The following DNAH2 variants were observed in gnomAD, a reference collection of about 807,000 sequenced individuals.
DNAH2 encodes dynein axonemal heavy chain 2.
A neutral mutation model predicts 523.5 loss-of-function variants in DNAH2; 323 were observed. The ratio of observed to expected loss-of-function variants is 0.62; its 90% CI spans 0.56 to 0.68. The LOEUF (loss-of-function observed/expected upper bound fraction) is 0.68. DNAH2 is among the 30% of genes least tolerant of loss of function. DNAH2 has a pLI of 0.00. For synonymous variants in DNAH2, 2,093 were observed against 2,177.4 expected (o/e 0.96, Z 1.08); for missense variants, 4,907 against 5,701.5 (o/e 0.86, Z 4.49).
At position 7,788,293 on chromosome 17, in the gene DNAH2, C is replaced by T. The variant is rs753738382; in HGVS notation, c.6900+49C>T. 3 of 1,503,584 alleles carry T rather than the reference C, an allele frequency of 2.0e-6. No homozygotes were observed. In the African/African-American group the frequency reaches 4.2e-5, roughly 21 times the overall value. The allele number at this position is 1,503,584 out of a possible 1,614,324, so 93.1% of individuals were successfully genotyped here. A position where few individuals can be genotyped will look rare whatever the true frequency, so the allele number is the denominator to read the frequency against. ...GGCAGGGGCAGGGGGTGCTCACAGC[C>T]TCACCAGAACAACTTCTGGGAAACG... is the stretch of plus-strand genomic sequence containing the variant. On this transcript the variant is annotated intron_variant, in intron 44 of 85. Transcript: ENST00000572933.
intron 63 of DNAH2, among the ~76,000 whole-genome samples, chr17:7,815,701 CAT>C (rs1485583594): frequency 1.3e-5 from 2 of 151,572 alleles, no homozygotes; most frequent in South Asian, 2.1e-4. Context: ...GGATCACACA[CAT>C]GTATACGGGA....
At chr17:7,788,266 C>G (rs368106836) in intron 44 of DNAH2, 22 bp downstream of exon 44, 1 of 1,546,560 alleles carries the variant, frequency 6.5e-7, no homozygotes, top group South Asian at 1.2e-5. Flanking sequence ...ACACAGACCA[C>G]GGGCAGGGGC....
chr17:7,760,994 C>G lies in DNAH2; in HGVS notation c.2978+62C>G. ...GAGGCACAGCACTGCAGGAGGAGCCCAGGCCTAGAGTCTTGGGAAGTGGGT... is the reference window on the plus strand; with the variant it reads ...GAGGCACAGCACTGCAGGAGGAGCCGAGGCCTAGAGTCTTGGGAAGTGGGT... On this transcript the variant is annotated intron_variant, in intron 18 of 85. Transcript: ENST00000572933. This position sits in a 1 kb window ranked among gnomAD's most constrained non-coding sequence, Gnocchi z 4.0. 1 of 1,588,600 alleles carries G rather than the reference C, an allele frequency of 6.3e-7. No individual in the cohort carries two copies. The highest frequency in any genetic ancestry group is 8.6e-7 in the Non-Finnish European group (1 of 1,165,944).
At position 7,768,145 on chromosome 17, in the gene DNAH2, G is replaced by A. The variant is rs371584743; in HGVS notation, c.3838-19G>A. 200 of 1,614,040 alleles carry A rather than the reference G, an allele frequency of 1.2e-4. No homozygotes were observed. Among genetic ancestry groups the A allele is most frequent in the Non-Finnish European group, 1.6e-4 (194 of 1,180,026 alleles). ...CAGGGAGGTCGTCGGGTCTTCTCAT[G>A]CCCCCAACTTTTGCTCAGGACCGAA... On this transcript the variant is annotated intron_variant, in intron 23 of 85. Transcript: ENST00000572933.
chr17:7,749,509 T>A (rs2075626427), intron 12 of DNAH2, among the ~76,000 whole-genome samples: 1 of 151,962 alleles, frequency 6.6e-6, no homozygotes, highest in African/African-American at 2.4e-5. Flanking sequence ...TTTATGCTAC[T>A]AGAAATGTTT....
At chr17:7,787,630 G>A in intron 42 of DNAH2, 1 of 470,492 alleles carries the variant, frequency 2.1e-6, no homozygotes, top group Non-Finnish European at 3.8e-6. Context: ...CAGGTACTCT[G>A]GAGGCTGAGG....
intron 15 of DNAH2, 145 bp from the exon 16 acceptor site, chr17:7,759,277 G>C: frequency 7.0e-7 from 1 of 1,427,378 alleles, no homozygotes; most frequent in Non-Finnish European, 9.4e-7. Flanking sequence ...CCAACCTTCA[G>C]TCCTCACACC....
chr17:7,750,379 A>C (rs1282179124), intron 12 of DNAH2, among the ~76,000 whole-genome samples: 1 of 152,218 alleles, frequency 6.6e-6, no homozygotes, highest in Non-Finnish European at 1.5e-5. Context: ...GTTACAAAGC[A>C]GTTACCCCGG....
At chr17:7,793,946 A>G (rs2076992666) in intron 48 of DNAH2, among the ~76,000 whole-genome samples, 1 of 152,146 alleles carries the variant, frequency 6.6e-6, no homozygotes, top group African/African-American at 2.4e-5. Context: ...GAAGAAAGAG[A>G]AAGTCTAGAA....
chr17:7,789,094 G>A (rs1243476685), intron 44 of DNAH2, among the ~76,000 whole-genome samples: 1 of 152,204 alleles, frequency 6.6e-6, no homozygotes, highest in African/African-American at 2.4e-5. Flanking sequence ...AACCCAGGAG[G>A]CAGAGGCTGC....
Position 7,821,189 on chromosome 17 carries a change from G to A in DNAH2, c.11016-54G>A, listed in dbSNP as rs569644461. ...AGTAGCATCATAGCATTCGCATGGA[G>A]CATCAGCCCCCATTCCATGCTGCCC... On this transcript the variant is annotated intron_variant, in intron 72 of 85. Coordinates refer to ENST00000572933, the MANE Select transcript of DNAH2 (RefSeq NM_020877.5). This position sits in a 1 kb window ranked among gnomAD's most constrained non-coding sequence, Gnocchi z 5.0. The A allele has an allele frequency of 5.7e-6, 9 of 1,586,988 alleles. No homozygotes were observed. The highest frequency in any genetic ancestry group is 4.0e-5 in the African/African-American group (3 of 74,586).
At chr17:7,809,620 G>A (rs2077456550) in intron 63 of DNAH2, among the ~76,000 whole-genome samples, 1 of 152,166 alleles carries the variant, frequency 6.6e-6, no homozygotes, top group Admixed American at 6.5e-5. Flanking sequence ...AAATAATTAG[G>A]AGTGGTTCCT....
chr17:7,799,732 C>T (rs1188611494), intron 56 of DNAH2, among the ~76,000 whole-genome samples: 4 of 152,232 alleles, frequency 2.6e-5, no homozygotes, highest in South Asian at 2.1e-4. Context: ...GCAGGAGAAT[C>T]GCTTGAACCC....
intron 12 of DNAH2, among the ~76,000 whole-genome samples, chr17:7,753,515 T>C (rs964566259): frequency 2.6e-5 from 4 of 152,158 alleles, no homozygotes; most frequent in African/African-American, 9.7e-5. Flanking sequence ...CCCCAGCGCC[T>C]AGCTGAATGA....
chr17:7,753,463 G>A (rs146417294), intron 12 of DNAH2, among the ~76,000 whole-genome samples: 29 of 152,252 alleles, frequency 1.9e-4, no homozygotes, highest in South Asian at 4.1e-4. Flanking sequence ...CGGGGAGTCC[G>A]CATTGAAGGG....
intron 73 of DNAH2, 79 bp from the exon 74 acceptor site, chr17:7,823,363 G>GAGAA (rs1555575706): frequency 4.2e-6 from 6 of 1,433,496 alleles, no homozygotes; most frequent in Non-Finnish European, 5.7e-6. Context: ...GAGAGAGAGA[G>GAGAA]AGAGAGAGGA....
intron 12 of DNAH2, among the ~76,000 whole-genome samples, chr17:7,755,813 T>A (rs1020378005): frequency 1.3e-4 from 20 of 151,898 alleles, no homozygotes; most frequent in African/African-American, 4.6e-4. Context: ...TATCTCTTTT[T>A]TTTTTTTTGA....
At chr17:7,742,897 G>A (rs756028730) in intron 11 of DNAH2, 31 bp from the exon 12 acceptor site, 108 of 1,409,312 alleles carry the variant, frequency 7.7e-5, no homozygotes, top group Non-Finnish European at 9.4e-5. Context: ...GTGGCAGGCC[G>A]ACTCCACCCA....
intron 48 of DNAH2, among the ~76,000 whole-genome samples, chr17:7,793,515 C>CTTTCTTCTCT (rs1205341305): frequency 1.9e-5 from 2 of 104,562 alleles, no homozygotes; most frequent in African/African-American, 6.5e-5. Context: ...TTCTTTCTTT[C>CTTTCTTCTCT]TTCTCTTTCT....
Sources: gnomAD v4.1 joint callset for allele counts (sites outside exome capture counted in the v4.1 genomes callset) on GRCh38, gnomAD v4.1.1 for gene constraint, Gnocchi (gnomAD v3.1) non-coding constraint, MANE v1.5 for transcripts, NCBI Gene and HGNC (gene_info 2026-07-23, HGNC 2026-07-21) for gene names.